The following ANK2 variants were observed in gnomAD, a reference collection of about 807,000 sequenced individuals.
ANK2 encodes the protein ankyrin-2.
ANK2 carries 83 observed loss-of-function variants against 360.5 expected under a neutral mutation model. The observed-to-expected ratio is 0.23, with a 90% confidence interval of 0.19 to 0.28. The LOEUF is 0.28. Among genes scored for constraint, ANK2 ranks in the 10% least tolerant of loss-of-function variants. ANK2 has a pLI of 1.00. For missense variants in ANK2, 4,201 were observed against 4,795.7 expected, an observed-to-expected ratio of 0.88 and a Z score of 3.66; for synonymous variants, 1,740 against 1,759.5, an observed-to-expected ratio of 0.99 and a Z score of 0.28.
intron 1 of ANK2, among the ~76,000 whole-genome samples, chr4:112,875,498 T>G (rs1016917815): frequency 1.3e-5 from 2 of 151,654 alleles, no homozygotes; most frequent in Non-Finnish European, 2.9e-5. Context: ...ATTTATTTAT[T>G]TATTTATTTA....
chr4:112,846,522 T>C (rs1170971648), intron 1 of ANK2, among the ~76,000 whole-genome samples: 1 of 152,164 alleles, frequency 6.6e-6, no homozygotes, highest in Non-Finnish European at 1.5e-5. Context: ...CTTAGTTTCC[T>C]TCTGCCCCAT....
At chr4:112,881,562 T>C (rs2076699722) in intron 1 of ANK2, among the ~76,000 whole-genome samples, 1 of 152,296 alleles carries the variant, frequency 6.6e-6, no homozygotes, top group African/African-American at 2.4e-5. Context: ...TTATTCAGCA[T>C]CATGATCAGA....
chr4:113,280,772 A>G (rs1364995812), intron 17 of ANK2, among the ~76,000 whole-genome samples: 1 of 152,150 alleles, frequency 6.6e-6, no homozygotes, highest in East Asian at 1.9e-4. Context: ...AACCTCCTCC[A>G]TTGCCAGAAT....
chr4:112,885,520 G>A (rs1465575448), intron 1 of ANK2, among the ~76,000 whole-genome samples: 11 of 149,440 alleles, frequency 7.4e-5, no homozygotes, highest in Non-Finnish European at 1.3e-4. Flanking sequence ...AAATTAGCCG[G>A]GCATGGTGGC....
intron 1 of ANK2, among the ~76,000 whole-genome samples, chr4:112,849,756 AG>A (rs1267074138): frequency 6.6e-6 from 1 of 152,164 alleles, no homozygotes; most frequent in Non-Finnish European, 1.5e-5. Flanking sequence ...TTAATCAAAC[AG>A]GGTTGTGATG....
chr4:112,948,411 G>A (rs1287566551), intron 2 of ANK2, among the ~76,000 whole-genome samples: 2 of 151,400 alleles, frequency 1.3e-5, no homozygotes, highest in Non-Finnish European at 2.9e-5. Context: ...TTTTATGTTT[G>A]GATAATGAAA....
In ANK2 at chr4:113,370,155, G is replaced by A. The variant is rs1211467325; in HGVS notation, c.11610+350G>A. On this transcript the variant is annotated intron_variant, in intron 43 of 45. Transcript: ENST00000357077. ...CTGGTGGCAGAGATTAGCAGCACCAGGTAAGTCAGCCATGGGATGTGCTGG... is the reference window on the plus strand; with the variant it reads ...CTGGTGGCAGAGATTAGCAGCACCAAGTAAGTCAGCCATGGGATGTGCTGG... 4.6e-5 allele frequency among the ~76,000 whole-genome samples: 7 copies of A among 152,166 alleles called. No individual in the cohort carries two copies. In the South Asian group the frequency reaches 8.3e-4, roughly 18 times the overall value.
intron 43 of ANK2, chr4:113,372,385 G>A: frequency 1.8e-6 from 1 of 568,796 alleles, no homozygotes; most frequent in Non-Finnish European, 3.1e-6. Flanking sequence ...TCTGAGACCA[G>A]CACGTATTTG....
chr4:113,146,065 C>A lies in ANK2; in HGVS notation c.85-28351C>A. 7 of 1,280,978 alleles carry A rather than the reference C, an allele frequency of 5.5e-6. No individual in the cohort carries two copies. In the East Asian group the frequency reaches 3.3e-4, roughly 61 times the overall value. The allele number at this position is 1,280,978 out of a possible 1,614,324, so 79.4% of individuals were successfully genotyped here. A position where few individuals can be genotyped will look rare whatever the true frequency, so the allele number is the denominator to read the frequency against. ...TGGTGGCATAAGAATCAACAGTAGA[C>A]CTCATTGGTCAGACCTCTAAACTTC... is the stretch of plus-strand genomic sequence containing the variant. On this transcript the variant is annotated intron_variant, in intron 1 of 45. Transcript: ENST00000357077.
chr4:113,179,664 A>T (rs2098343088), intron 2 of ANK2, among the ~76,000 whole-genome samples: 1 of 152,222 alleles, frequency 6.6e-6, no homozygotes, highest in African/African-American at 2.4e-5. Flanking sequence ...AATAAATCTT[A>T]GCGTTCAATT....
chr4:113,311,238 C>T lies in ANK2; in HGVS notation c.2549-17C>T, dbSNP rs1254033877. 6.2e-7 allele frequency: 1 copy of T among 1,613,958 alleles called. No homozygotes were observed. The highest frequency in any genetic ancestry group is 8.5e-7 in the Non-Finnish European group (1 of 1,179,960). The stretch of plus-strand genomic sequence containing the variant: ...CATTCAAGAAATAATCCTGCTTCTT[C>T]CTCTGATTGTTTCAAGGTGATGACA... On this transcript the variant is annotated splice_polypyrimidine_tract_variant and intron_variant, in intron 23 of 45. Coordinates refer to ENST00000357077, the MANE Select transcript of ANK2 (RefSeq NM_001148.6).
chr4:112,724,668 G>A, the ANK2 span, among the ~76,000 whole-genome samples: 1 of 151,864 alleles, frequency 6.6e-6, no homozygotes, highest in South Asian at 2.1e-4. Flanking sequence ...GTGTTGGAAA[G>A]GACATGGAGA....
At chr4:113,055,080 T>A (rs1434263385) in intron 1 of ANK2, among the ~76,000 whole-genome samples, 1 of 152,064 alleles carries the variant, frequency 6.6e-6, no homozygotes, top group Non-Finnish European at 1.5e-5. Context: ...AACTCTTTCT[T>A]ATGCATACTC....
In ANK2 at chr4:113,287,605, A is replaced by C; in HGVS notation, c.2080A>C (p.Ser694Arg). ...KGANIHMSTK[S>R]GLTSLHLAAQ... ...CCCTTTGGTTCCATTCTTTCTGTAGAGTGGACTCACATCCTTACACCTTGC... is the reference window on the plus strand; with the variant it reads ...CCCTTTGGTTCCATTCTTTCTGTAGCGTGGACTCACATCCTTACACCTTGC... The change falls in exon 19 of 46, where the codon AGT (serine) becomes CGT (arginine). Residue 694 changes from serine (S) to arginine (R), a missense_variant and splice_region_variant. Ser to Arg is a moderately radical substitution (Grantham distance 110). This residue lies in a region of ANK2 where 1,268 missense variants were observed against 1,650.8 expected (regional missense o/e 0.77). Transcript: ENST00000357077. 1 of 1,599,984 alleles carries C rather than the reference A, an allele frequency of 6.3e-7. No individual in the cohort carries two copies. Among genetic ancestry groups the C allele is most frequent in the South Asian group, 1.1e-5 (1 of 90,774 alleles).
intron 2 of ANK2, among the ~76,000 whole-genome samples, chr4:112,992,230 G>A (rs1371110295): frequency 2.6e-5 from 4 of 151,058 alleles, no homozygotes. Flanking sequence ...TGCAACCTCC[G>A]CCTCCCAGGT....
At chr4:112,939,649 G>A (rs1208697723) in intron 2 of ANK2, among the ~76,000 whole-genome samples, 1 of 152,142 alleles carries the variant, frequency 6.6e-6, no homozygotes, top group Non-Finnish European at 1.5e-5. Context: ...TTATTTTAAA[G>A]TTGGACATTC....
chr4:113,232,086 T>A, intron 4 of ANK2, 75 bp from the exon 5 acceptor site: 1 of 1,006,650 alleles, frequency 9.9e-7, no homozygotes, highest in East Asian at 2.4e-5. Context: ...ATCTTCCCTA[T>A]GTCGAAGGTT....
At chr4:113,166,585 C>T (rs1252601953) in intron 1 of ANK2, among the ~76,000 whole-genome samples, 1 of 151,602 alleles carries the variant, frequency 6.6e-6, no homozygotes, top group Non-Finnish European at 1.5e-5. Context: ...GGTTTTTGTT[C>T]CTACTAGTTT....
Position 113,359,173 on chromosome 4 carries a change from C to T in ANK2, c.10555C>T (p.Leu3519=), listed in dbSNP as rs750329150. 3 of 1,613,252 alleles carry T rather than the reference C, an allele frequency of 1.9e-6. No homozygotes were observed. Among genetic ancestry groups the T allele is most frequent in the Non-Finnish European group, 2.5e-6 (3 of 1,179,390 alleles). Residue 3519 remains leucine, a synonymous_variant, in exon 38 of 46, where the codon CTG becomes TTG. Coordinates refer to ENST00000357077, the MANE Select transcript of ANK2 (RefSeq NM_001148.6). The stretch of plus-strand genomic sequence containing the variant: ...CCTGGAAGTATCAGTAATTGAAAAT[C>T]TGCCACCTGTTGAGACCGAGCACTC... The part of the protein sequence containing the change: ...SALEVSVIEN[L]PPVETEHSVP...
Sources: allele counts gnomAD v4.1 joint callset (sites outside exome capture counted in the v4.1 genomes callset), GRCh38; gene constraint gnomAD v4.1.1; regional missense constraint gnomAD v4.1.1; transcripts MANE v1.5; gene names NCBI Gene and HGNC (gene_info 2026-07-23, HGNC 2026-07-21).